The following FYB2 variants were observed in gnomAD, a reference collection of about 807,000 sequenced individuals.
FYB2 encodes the protein FYN binding protein 2.
A neutral mutation model predicts 94.1 loss-of-function variants in FYB2; 103 were observed. The ratio of observed to expected loss-of-function variants is 1.09; its 90% CI spans 0.93 to 1.29. The LOEUF is 1.29. Ranked by LOEUF, FYB2 falls within the 50% of genes most tolerant of loss-of-function variation. The pLI, the probability that FYB2 is intolerant of heterozygous loss-of-function variation, is 0.00. For missense variants in FYB2, 896 were observed against 841.5 expected (o/e 1.06, Z -0.80); for synonymous variants, 293 against 287.9 (o/e 1.02, Z -0.18).
rs746646809 is a variant in FYB2, at chr1:56,753,986, T to C, written c.1131-51A>G. On this transcript the variant is annotated intron_variant, in intron 7 of 19. Transcript: ENST00000343433. Reference sequence around the variant, plus strand: ...AAAAATGAAGCTTAGAGTGTTTAAATGATAGTGTACTGTCCAATCCTAAAT... The same window carrying C: ...AAAAATGAAGCTTAGAGTGTTTAAACGATAGTGTACTGTCCAATCCTAAAT... The C allele has an allele frequency of 1.3e-4, 144 of 1,151,020 alleles. No individual in the cohort carries two copies. In the Middle Eastern group the frequency reaches 2.4e-3, roughly 19 times the overall value. 71.3% of individuals were successfully genotyped at this position (1,151,020 alleles called of 1,614,324 possible). A position where few individuals can be genotyped will look rare whatever the true frequency, so the allele number is the denominator to read the frequency against.
chr1:56,791,580 A>T (rs1646266862), intron 2 of FYB2, among the ~76,000 whole-genome samples: 1 of 152,166 alleles, frequency 6.6e-6, no homozygotes, highest in Non-Finnish European at 1.5e-5. Flanking sequence ...AGATAATACT[A>T]AGGTGAACCA....
intron 12 of FYB2, 44 bp downstream of exon 12, chr1:56,742,117 C>T: frequency 2.0e-6 from 3 of 1,538,236 alleles, no homozygotes; most frequent in Non-Finnish European, 2.7e-6. Context: ...ACTAGACTAA[C>T]AGGAAGTCAT....
chr1:56,755,011 C>T (rs1355003176), intron 7 of FYB2, among the ~76,000 whole-genome samples: 4 of 152,018 alleles, frequency 2.6e-5, no homozygotes, highest in Admixed American at 6.6e-5. Flanking sequence ...ATTCAGCACA[C>T]GTTTTTAGAT....
At chr1:56,816,142 A>T (rs1368257545) in intron 1 of FYB2, among the ~76,000 whole-genome samples, 1 of 152,208 alleles carries the variant, frequency 6.6e-6, no homozygotes, top group Non-Finnish European at 1.5e-5. Context: ...CCTAAAACAA[A>T]AAGCATTTTT....
At chr1:56,762,133 T>C (rs887799774) in intron 5 of FYB2, 20 of 152,336 alleles carry the variant, frequency 1.3e-4, no homozygotes, top group African/African-American at 4.8e-4. Context: ...TTGATTATTA[T>C]ACTGATAATT....
In FYB2 at chr1:56,723,526, T is replaced by C. The variant is rs1644527251; in HGVS notation, c.1974+62A>G. 37 of 964,778 alleles carry C rather than the reference T, an allele frequency of 3.8e-5. No individual in the cohort carries two copies. In the South Asian group the frequency reaches 5.9e-4, roughly 15 times the overall value. 59.8% of individuals were successfully genotyped at this position (964,778 alleles called of 1,614,324 possible). A position where few individuals can be genotyped will look rare whatever the true frequency, so the allele number is the denominator to read the frequency against. ...AGGCACAGCATACTTACAGATTTTTTTTTTAAATGAAAGCTCCTAGCTGTT... is the reference window on the plus strand; with the variant it reads ...AGGCACAGCATACTTACAGATTTTTCTTTTAAATGAAAGCTCCTAGCTGTT... On this transcript the variant is annotated intron_variant, in intron 17 of 19. Coordinates refer to ENST00000343433, the MANE Select transcript of FYB2 (RefSeq NM_001004303.5).
intron 5 of FYB2, among the ~76,000 whole-genome samples, chr1:56,765,505 C>T (rs1194961061): frequency 6.6e-6 from 1 of 152,196 alleles, no homozygotes; most frequent in Non-Finnish European, 1.5e-5. Flanking sequence ...TCCAAGCTCC[C>T]CATTCAGCAT....
intron 4 of FYB2, among the ~76,000 whole-genome samples, chr1:56,777,239 CAAAAAAAAAAAAAAAAAA>C (rs1453236717): frequency 4.2e-4 from 2 of 4,798 alleles, no homozygotes; most frequent in South Asian, 0.011. Context: ...GTCTCAAAAA[CAAAAAAAAAAAAAAAAAA>C]AAAAAAAAAA....
At chr1:56,780,082 T>C (rs1165058911) in intron 4 of FYB2, among the ~76,000 whole-genome samples, 1 of 152,128 alleles carries the variant, frequency 6.6e-6, no homozygotes, top group Non-Finnish European at 1.5e-5. Flanking sequence ...CTAACAGATA[T>C]AAAAGGGCTC....
chr1:56,746,071 G>C (rs550637167), intron 9 of FYB2, among the ~76,000 whole-genome samples: 1 of 146,046 alleles, frequency 6.8e-6, no homozygotes, highest in Non-Finnish European at 1.5e-5. Flanking sequence ...AATTCTCTTA[G>C]CTTGCTTTAT....
At chr1:56,727,749 C>T (rs552971945) in intron 15 of FYB2, among the ~76,000 whole-genome samples, 5 of 152,062 alleles carry the variant, frequency 3.3e-5, no homozygotes, top group South Asian at 4.1e-4. Flanking sequence ...TGGTTATGTT[C>T]TAGTTCTTAA....
intron 1 of FYB2, among the ~76,000 whole-genome samples, chr1:56,807,133 C>A (rs905714052): frequency 6.6e-6 from 1 of 152,200 alleles, no homozygotes; most frequent in Admixed American, 6.5e-5. Flanking sequence ...GGGTTTCCTG[C>A]TCTCCCTGCT....
At position 56,819,277 on chromosome 1, in the gene FYB2, C is replaced by T. The variant is rs768043766; in HGVS notation, c.9+5G>A. ...AAGCCAGCAACAAAACTGAGACAGC[C>T]TTACCCCTTCCATTGCTTTCCTCCA... On this transcript the variant is annotated splice_donor_5th_base_variant and intron_variant, in intron 1 of 19. Coordinates refer to ENST00000343433, the MANE Select transcript of FYB2 (RefSeq NM_001004303.5). The T allele has an allele frequency of 1.2e-6, 2 of 1,614,250 alleles. No homozygotes were observed. Among genetic ancestry groups the T allele is most frequent in the Admixed American group, 1.7e-5 (1 of 60,034 alleles).
chr1:56,767,589 G>C (rs1468160195), intron 5 of FYB2, among the ~76,000 whole-genome samples: 1 of 152,226 alleles, frequency 6.6e-6, no homozygotes, highest in East Asian at 1.9e-4. Flanking sequence ...ATTGGTAAAG[G>C]GGAGAAAAGA....
intron 1 of FYB2, among the ~76,000 whole-genome samples, chr1:56,796,871 C>A (rs1476671278): frequency 6.6e-6 from 1 of 152,176 alleles, no homozygotes; most frequent in Non-Finnish European, 1.5e-5. Flanking sequence ...AAATTTAACT[C>A]GTGTCATCTC....
chr1:56,750,367 G>A (rs1645167327), intron 9 of FYB2, among the ~76,000 whole-genome samples: 1 of 151,916 alleles, frequency 6.6e-6, no homozygotes, highest in African/African-American at 2.4e-5. Flanking sequence ...CTATGACTGT[G>A]GCCGTTCTGT....
chr1:56,823,414 G>A (rs115460516), upstream of FYB2, among the ~76,000 whole-genome samples: 1,291 of 152,238 alleles, frequency 8.5e-3, 22 homozygotes, highest in African/African-American at 0.029. Flanking sequence ...GGGACAATTC[G>A]TATAAGGTAT....
At chr1:56,792,886 A>C in intron 1 of FYB2, 83 bp from the exon 2 acceptor site, 3 of 1,399,014 alleles carry the variant, frequency 2.1e-6, no homozygotes, top group Non-Finnish European at 2.9e-6. Flanking sequence ...TCATTATTCC[A>C]AGAAAAAAAG....
intron 1 of FYB2, among the ~76,000 whole-genome samples, chr1:56,805,013 G>A (rs1362242559): frequency 6.6e-6 from 1 of 152,046 alleles, no homozygotes; most frequent in Non-Finnish European, 1.5e-5. Context: ...TCTTTGCCTG[G>A]CTAAATGTAT....
Sources: allele counts gnomAD v4.1 joint callset (sites outside exome capture counted in the v4.1 genomes callset), GRCh38; gene constraint gnomAD v4.1.1; transcripts MANE v1.5; gene names NCBI Gene and HGNC (gene_info 2026-07-23, HGNC 2026-07-21).